The following ANKDD1A variants were observed in gnomAD, a reference collection of about 807,000 sequenced individuals.
ANKDD1A encodes the protein ankyrin repeat and death domain containing 1A, also known as ankyrin repeat and death domain-containing protein 1A.
ANKDD1A carries 59 observed loss-of-function variants against 63.5 expected under a neutral mutation model. The ratio of observed to expected loss-of-function variants is 0.93; its 90% confidence interval spans 0.75 to 1.15. ANKDD1A has a LOEUF of 1.15. Ranked by LOEUF, ANKDD1A falls within the 50% of genes most tolerant of loss-of-function variation. The pLI is 0.00. For synonymous variants in ANKDD1A, 266 were observed against 263.9 expected, an observed-to-expected ratio of 1.01 and a Z score of -0.08; for missense variants, 632 against 656.4, an observed-to-expected ratio of 0.96 and a Z score of 0.41.
chr15:64,956,944 T>C (rs1315955103), intron 14 of ANKDD1A, among the ~76,000 whole-genome samples, 159 bp from the exon 15 acceptor site: 1 of 152,254 alleles, frequency 6.6e-6, no homozygotes, highest in Non-Finnish European at 1.5e-5. Flanking sequence ...TAGACAACTT[T>C]ACCTACCACT....
intron 14 of ANKDD1A, among the ~76,000 whole-genome samples, chr15:64,954,549 TTTC>T (rs2085390430): frequency 7.8e-6 from 1 of 129,000 alleles, no homozygotes; most frequent in African/African-American, 2.7e-5. Context: ...TCCTTCTTCT[TTTC>T]TTCTTCCTTC....
chr15:64,924,209 C>T (rs1443045351), intron 4 of ANKDD1A, among the ~76,000 whole-genome samples: 1 of 152,330 alleles, frequency 6.6e-6, no homozygotes, highest in Non-Finnish European at 1.5e-5. Flanking sequence ...CAGCTGGTTT[C>T]TCCAGGTGGT....
intron 14 of ANKDD1A, among the ~76,000 whole-genome samples, chr15:64,953,976 TCC>T (rs2085368432): frequency 4.0e-4 from 8 of 19,782 alleles, no homozygotes; most frequent in South Asian, 2.7e-3. Context: ...TCTTCTTTCT[TCC>T]TCTATCTTCT....
intron 14 of ANKDD1A, among the ~76,000 whole-genome samples, chr15:64,952,137 CCTT>C (rs2085299777): frequency 1.5e-5 from 2 of 135,302 alleles, no homozygotes; most frequent in African/African-American, 2.9e-5. Context: ...TCTTCTTCTT[CCTT>C]ATTCTTCTTC....
At chr15:64,940,557 C>T (rs2056495) in intron 9 of ANKDD1A, among the ~76,000 whole-genome samples, 78,353 of 151,328 alleles carry the variant, frequency 0.52, 21,331 homozygotes, top group East Asian at 0.85. Flanking sequence ...CTCAGCCTCC[C>T]GAGTAGCTGG....
Position 64,952,449 on chromosome 15 carries a change from C to A in ANKDD1A, c.1483+2477C>A, listed in dbSNP as rs2085308790. Among the ~76,000 whole-genome samples, 4 of 140,914 alleles carry A rather than the reference C, an allele frequency of 2.8e-5. No homozygotes were observed. The Admixed American group carries it at 2.9e-4, about 10-fold the overall frequency. 92.4% of individuals were successfully genotyped at this position (140,914 alleles called of 152,430 possible). A position where few individuals can be genotyped will look rare whatever the true frequency, so the allele number is the denominator to read the frequency against. On this transcript the variant is annotated intron_variant, in intron 14 of 14. Transcript: ENST00000319580. ...TTTCTTCTCCTCCTCCTTTCTTCTT[C>A]TTAGTTCTTCTCCTTCTTCCTTCTC...
intron 3 of ANKDD1A, among the ~76,000 whole-genome samples, chr15:64,919,058 G>A (rs949222487): frequency 3.3e-5 from 5 of 152,136 alleles, no homozygotes; most frequent in African/African-American, 7.2e-5. Context: ...AATGGGGTTC[G>A]GGAGATACTG....
chr15:64,914,852 G>A (rs1201319701), intron 1 of ANKDD1A, among the ~76,000 whole-genome samples: 1 of 152,248 alleles, frequency 6.6e-6, no homozygotes, highest in Non-Finnish European at 1.5e-5. Flanking sequence ...CGTGACAGGG[G>A]TTGGCAGGGG....
Position 64,930,915 on chromosome 15 carries a change from A to G in ANKDD1A, c.664A>G (p.Asn222Asp). ...CATCGGGCTGGACCTGGAGGAGCAG[A>G]ATGCGGTGAGTCACCGCCTGGGGAT... ...VDIGLDLEEQ[N>D]AEGLTALHSA... The change falls in exon 7 of 15, where the codon AAT becomes GAT. Residue 222 changes from asparagine (N) to aspartate (D), a missense_variant. Coordinates refer to ENST00000319580, the MANE Select transcript of ANKDD1A (RefSeq NM_182703.6). 1 of 1,611,190 alleles carries G rather than the reference A, an allele frequency of 6.2e-7. No homozygotes were observed. Among genetic ancestry groups the G allele is most frequent in the Non-Finnish European group, 8.5e-7 (1 of 1,179,938 alleles).
chr15:64,953,776 C>T (rs2085358655), intron 14 of ANKDD1A, among the ~76,000 whole-genome samples: 11 of 21,528 alleles, frequency 5.1e-4, no homozygotes, highest in Middle Eastern at 0.026. Context: ...CCTCTTCCCT[C>T]TTTTCTTTCT....
At position 64,957,461 on chromosome 15, in the gene ANKDD1A, C is replaced by CAA. The variant is rs2085428213; in HGVS notation, c.*273_*274insAA. The CAA allele has an allele frequency of 3.4e-5, 4 of 118,246 alleles. No individual in the cohort carries two copies. The highest frequency in any genetic ancestry group is 1.0e-4 in the Admixed American group (1 of 9,558). The allele number at this position is 118,246 out of a possible 1,614,324, so 7.3% of individuals were successfully genotyped here. ...AAATTATTTTCAGTTTTCCAAAATT[C>CAA]TATCTTTAAACCTAAATAATTCAAT... On this transcript the variant is annotated 3_prime_UTR_variant, in exon 15 of 15. Transcript: ENST00000319580.
chr15:64,917,486 T>C lies in ANKDD1A; in HGVS notation c.239T>C (p.Val80Ala). 1 of 1,592,122 alleles carries C rather than the reference T, an allele frequency of 6.3e-7. No individual in the cohort carries two copies. The highest frequency in any genetic ancestry group is 8.5e-7 in the Non-Finnish European group (1 of 1,169,736). ...GCTGCTGTGGACGAGGAGGATGCGGTAGGGGCCCTCACAGAGGCACGTCTG... is the reference window on the plus strand; with the variant it reads ...GCTGCTGTGGACGAGGAGGATGCGGCAGGGGCCCTCACAGAGGCACGTCTG... ...HEAAVDEEDAVGALTEARLCF... is the reference protein window; with the variant it reads ...HEAAVDEEDAAGALTEARLCF... Residue 80 changes from valine (V) to alanine (A), a missense_variant, in exon 3 of 15, where the codon GTA becomes GCA. Physicochemically the swap from Val to Ala is moderately conservative, Grantham distance 64. Coordinates refer to ENST00000319580, the MANE Select transcript of ANKDD1A (RefSeq NM_182703.6).
At position 64,921,961 on chromosome 15, in the gene ANKDD1A, A is replaced by G. The variant is rs1567110376; in HGVS notation, c.308A>G (p.His103Arg). Residue 103 changes from histidine (H) to arginine (R), a missense_variant, in exon 4 of 15, where the codon CAC (histidine) becomes CGC (arginine). Physicochemically the swap from His to Arg is conservative, Grantham distance 29. Transcript: ENST00000319580. ...NALLLSAWFG[H>R]LRILQILVNS... ...CTTCTCCTGTCTGCCTGGTTCGGCC[A>G]CTTACGAATCCTCCAGATCTTGGTA... 1 of 1,614,110 alleles carries G rather than the reference A, an allele frequency of 6.2e-7. No individual in the cohort carries two copies. Among genetic ancestry groups the G allele is most frequent in the Non-Finnish European group, 8.5e-7 (1 of 1,180,018 alleles).
At position 64,949,614 on chromosome 15, in the gene ANKDD1A, C is replaced by T. The variant is rs184447300; in HGVS notation, c.1352-227C>T. Reference sequence around the variant, plus strand: ...CTGGGGCTGGGGAGGTTCTAGAGACCAAGACACAAACCCTTCCCTCCCCAT... The same window carrying T: ...CTGGGGCTGGGGAGGTTCTAGAGACTAAGACACAAACCCTTCCCTCCCCAT... On this transcript the variant is annotated intron_variant, in intron 13 of 14. Coordinates refer to ENST00000319580, the MANE Select transcript of ANKDD1A (RefSeq NM_182703.6). Among the ~76,000 whole-genome samples, 7 of 152,238 alleles carry T rather than the reference C, an allele frequency of 4.6e-5. No homozygotes were observed. In the East Asian group the frequency reaches 1.4e-3, roughly 29 times the overall value.
At chr15:64,951,758 TTTC>T (rs1466947008) in intron 14 of ANKDD1A, among the ~76,000 whole-genome samples, 1 of 128,378 alleles carries the variant, frequency 7.8e-6, no homozygotes, top group Non-Finnish European at 1.7e-5. Flanking sequence ...TTCTTCCTTC[TTTC>T]CTTTTCTTCT....
At chr15:64,936,266 T>C (rs930115138) in intron 9 of ANKDD1A, among the ~76,000 whole-genome samples, 1 of 152,128 alleles carries the variant, frequency 6.6e-6, no homozygotes, top group Non-Finnish European at 1.5e-5. Flanking sequence ...TTTTCCCCCA[T>C]GTAAATAGTA....
intron 9 of ANKDD1A, among the ~76,000 whole-genome samples, chr15:64,935,264 C>G (rs922828959): frequency 4.0e-4 from 58 of 146,804 alleles, no homozygotes; most frequent in African/African-American, 1.4e-3. Flanking sequence ...GGCATGGTGG[C>G]GTGAGCCTGT....
At chr15:64,913,278 C>T (rs914704151) in intron 1 of ANKDD1A, among the ~76,000 whole-genome samples, 1 of 152,154 alleles carries the variant, frequency 6.6e-6, no homozygotes, top group African/African-American at 2.4e-5. Context: ...GTGACTAGCC[C>T]AGGATCCTGC....
chr15:64,915,963 A>G, intron 2 of ANKDD1A, 63 bp downstream of exon 2: 2 of 1,487,702 alleles, frequency 1.3e-6, no homozygotes, highest in South Asian at 1.2e-5. Context: ...GCCAGTACAC[A>G]GGGGGAATAG....
Sources: allele counts gnomAD v4.1 joint callset (sites outside exome capture counted in the v4.1 genomes callset), GRCh38; gene constraint gnomAD v4.1.1; transcripts MANE v1.5; gene names NCBI Gene and HGNC (gene_info 2026-07-23, HGNC 2026-07-21).